IMMP2L: variants seen among roughly 807,000 people sequenced by gnomAD.
IMMP2L encodes mitochondrial inner membrane protease subunit 2.
In IMMP2L, 18 loss-of-function variants were observed where a neutral mutation model predicts 19.3. That is an observed-to-expected ratio of 0.93 (90% CI 0.64 to 1.38). The LOEUF (loss-of-function observed/expected upper bound fraction) is 1.38, where lower values mean the gene tolerates loss of function less well. IMMP2L is among the 40% of genes most tolerant of loss of function. IMMP2L has a pLI of 0.00. For synonymous variants in IMMP2L, 76 were observed against 73.0 expected (o/e 1.04, Z -0.21); for missense variants, 233 against 218.2 (o/e 1.07, Z -0.43).
intron 5 of IMMP2L, among the ~76,000 whole-genome samples, chr7:110,830,957 G>A (rs1803922495): frequency 6.6e-6 from 1 of 152,132 alleles, no homozygotes; most frequent in African/African-American, 2.4e-5. Context: ...CAGTTCAGTA[G>A]GTCAGAAGTC....
chr7:110,980,491 C>A (rs933700761), intron 3 of IMMP2L, among the ~76,000 whole-genome samples: 9 of 152,048 alleles, frequency 5.9e-5, no homozygotes, highest in Non-Finnish European at 1.0e-4. Context: ...GCTGGGATTA[C>A]AAGCGTGAGC....
intron 3 of IMMP2L, among the ~76,000 whole-genome samples, chr7:111,193,793 C>T (rs779971504): frequency 6.6e-5 from 10 of 151,986 alleles, no homozygotes; most frequent in Non-Finnish European, 1.3e-4. Flanking sequence ...GTATTTTTAG[C>T]GATATAATTT....
intron 5 of IMMP2L, among the ~76,000 whole-genome samples, chr7:110,815,109 A>T (rs918607938): frequency 2.6e-5 from 4 of 152,132 alleles, no homozygotes; most frequent in African/African-American, 9.7e-5. Context: ...GGTTTGTCAT[A>T]GATAGCTCCT....
chr7:110,963,886 A>G (rs1400284224), intron 3 of IMMP2L, among the ~76,000 whole-genome samples: 1 of 152,020 alleles, frequency 6.6e-6, no homozygotes, highest in Non-Finnish European at 1.5e-5. Flanking sequence ...AGGTTCTGAT[A>G]TGGTTTGGCT....
At chr7:111,520,925 T>C (rs1172116227) in intron 2 of IMMP2L, among the ~76,000 whole-genome samples, 1 of 152,156 alleles carries the variant, frequency 6.6e-6, no homozygotes, top group African/African-American at 2.4e-5. Flanking sequence ...CATATACCTA[T>C]ATAACAAGAG....
intron 4 of IMMP2L, among the ~76,000 whole-genome samples, chr7:110,917,552 A>T (rs1178762790): frequency 6.6e-6 from 1 of 152,198 alleles, no homozygotes; most frequent in Non-Finnish European, 1.5e-5. Context: ...CTAGGATTCA[A>T]TGCCAAGTAG....
intron 3 of IMMP2L, among the ~76,000 whole-genome samples, chr7:111,292,067 C>T (rs1032552439): frequency 3.3e-5 from 5 of 152,142 alleles, no homozygotes; most frequent in African/African-American, 7.2e-5. Context: ...TCTCTTCACA[C>T]ACAGTGAAAC....
chr7:110,706,511 C>T (rs895331499), intron 5 of IMMP2L, among the ~76,000 whole-genome samples: 1 of 152,146 alleles, frequency 6.6e-6, no homozygotes, highest in Admixed American at 6.5e-5. Flanking sequence ...TGCAGCCTCA[C>T]CAGCATCTGT....
At chr7:111,255,229 TA>T (rs1772132177) in intron 3 of IMMP2L, among the ~76,000 whole-genome samples, 1 of 152,110 alleles carries the variant, frequency 6.6e-6, no homozygotes, top group African/African-American at 2.4e-5. Flanking sequence ...ATATCATAAT[TA>T]AAGAAAACTA....
chr7:111,486,250 A>G (rs558303096), intron 3 of IMMP2L, among the ~76,000 whole-genome samples: 71 of 152,220 alleles, frequency 4.7e-4, no homozygotes, highest in Non-Finnish European at 7.5e-4. Flanking sequence ...CTGGTAGAAT[A>G]GTCTGAAAGA....
chr7:111,179,286 CTGCAGCCCACAGGCTGCA>C lies in IMMP2L; in HGVS notation c.240-215739_240-215722del, dbSNP rs1042620386. On this transcript the variant is annotated intron_variant, in intron 3 of 5. Transcript: ENST00000405709. ...ATGCTATAAACCAAGCTTGTTCAAC[CTGCAGCCCACAGGCTGCA>C]TGCAGCCCAGGACAGCTTTGAATAT... Among the ~76,000 whole-genome samples, 25 of 152,172 alleles carry C rather than the reference CTGCAGCCCACAGGCTGCA, an allele frequency of 1.6e-4. 1 individual carries two copies. The highest frequency in any genetic ancestry group is 1.2e-3 in the South Asian group (6 of 4,826).
intron 3 of IMMP2L, among the ~76,000 whole-genome samples, chr7:110,975,577 T>C (rs1820603808): frequency 6.6e-6 from 1 of 152,160 alleles, no homozygotes; most frequent in African/African-American, 2.4e-5. Context: ...ACTAATAAAC[T>C]ATCTTGATCC....
chr7:110,990,260 T>A (rs1468102437), intron 3 of IMMP2L, among the ~76,000 whole-genome samples: 1 of 152,194 alleles, frequency 6.6e-6, no homozygotes, highest in Admixed American at 6.6e-5. Context: ...TAAATAACTA[T>A]CTTTGTGAAT....
chr7:111,523,248 T>C (rs965226682), intron 1 of IMMP2L, among the ~76,000 whole-genome samples: 1 of 152,044 alleles, frequency 6.6e-6, no homozygotes, highest in Non-Finnish European at 1.5e-5. Flanking sequence ...TATTGTATTC[T>C]TGAAAAATGT....
intron 3 of IMMP2L, among the ~76,000 whole-genome samples, chr7:111,260,733 TTCTC>T (rs1467931969): frequency 6.6e-6 from 1 of 152,140 alleles, no homozygotes; most frequent in Admixed American, 6.6e-5. Context: ...GGAAGAAACT[TTCTC>T]TAAAGGAGTA....
At chr7:111,121,316 C>T (rs938959581) in intron 3 of IMMP2L, among the ~76,000 whole-genome samples, 5 of 152,266 alleles carry the variant, frequency 3.3e-5, no homozygotes, top group African/African-American at 1.2e-4. Flanking sequence ...TGCCTGTTCG[C>T]TCTGATGGTA....
At chr7:111,388,900 T>C (rs1832060884) in intron 3 of IMMP2L, among the ~76,000 whole-genome samples, 1 of 152,092 alleles carries the variant, frequency 6.6e-6, no homozygotes, top group Non-Finnish European at 1.5e-5. Flanking sequence ...TACATGCATA[T>C]ATGTACATAC....
At chr7:111,476,519 G>C (rs1441947459) in intron 3 of IMMP2L, among the ~76,000 whole-genome samples, 1 of 152,090 alleles carries the variant, frequency 6.6e-6, no homozygotes, top group East Asian at 1.9e-4. Context: ...AGCTCTCAAA[G>C]ACAGAAGCCT....
intron 3 of IMMP2L, among the ~76,000 whole-genome samples, chr7:111,087,398 G>A (rs1455582666): frequency 1.3e-5 from 2 of 149,662 alleles, no homozygotes; most frequent in Non-Finnish European, 3.0e-5. Context: ...GCAGTGAGCC[G>A]AGATCGTGCC....
Sources: allele counts gnomAD v4.1 joint callset (sites outside exome capture counted in the v4.1 genomes callset), GRCh38; gene constraint gnomAD v4.1.1; transcripts MANE v1.5; gene names NCBI Gene and HGNC (gene_info 2026-07-23, HGNC 2026-07-21).